Variants in CNTNAP5 observed in about 807,000 individuals in gnomAD.
CNTNAP5 encodes the protein contactin associated protein family member 5, also known as contactin-associated protein-like 5.
A neutral mutation model predicts 150.2 loss-of-function variants in CNTNAP5; 72 were observed. The observed-to-expected ratio is 0.48, with a 90% CI of 0.40 to 0.58. The LOEUF is 0.58. Among genes scored for constraint, CNTNAP5 ranks in the 20% least tolerant of loss-of-function variants. The pLI is 0.00. For synonymous variants in CNTNAP5, 672 were observed against 619.8 expected (o/e 1.08, Z -1.25); for missense variants, 1,636 against 1,626.2 (o/e 1.01, Z -0.10).
At chr2:124,872,188 T>C (rs1441279901) in intron 21 of CNTNAP5, among the ~76,000 whole-genome samples, 1 of 152,116 alleles carries the variant, frequency 6.6e-6, no homozygotes, top group Non-Finnish European at 1.5e-5. Flanking sequence ...GAAGCATGGC[T>C]ATTAATAAAG....
chr2:124,842,164 A>T (rs996259571), intron 19 of CNTNAP5, among the ~76,000 whole-genome samples: 8 of 152,222 alleles, frequency 5.3e-5, no homozygotes, highest in Middle Eastern at 6.8e-3. Flanking sequence ...AAGCCCTGTA[A>T]ATTATATATA....
intron 13 of CNTNAP5, among the ~76,000 whole-genome samples, chr2:124,738,710 G>A (rs952540485): frequency 8.8e-5 from 13 of 147,370 alleles, no homozygotes; most frequent in African/African-American, 3.2e-4. Context: ...TAGCCTGGGA[G>A]ACAGAGTGAG....
chr2:124,615,667 G>A (rs980491889), intron 12 of CNTNAP5, among the ~76,000 whole-genome samples: 1 of 152,110 alleles, frequency 6.6e-6, no homozygotes, highest in African/African-American at 2.4e-5. Flanking sequence ...AATCATGAAT[G>A]TTCTTAATGA....
chr2:124,557,736 G>A (rs6541959), intron 10 of CNTNAP5, among the ~76,000 whole-genome samples: 63,352 of 151,908 alleles, frequency 0.42, 13,572 homozygotes, highest in East Asian at 0.62. Flanking sequence ...CAATGAGGAA[G>A]GTTTGCACAT....
chr2:124,409,028 G>C (rs1288257559), intron 3 of CNTNAP5, among the ~76,000 whole-genome samples: 42 of 138,678 alleles, frequency 3.0e-4, no homozygotes, highest in African/African-American at 1.0e-3. Flanking sequence ...AACCAATACA[G>C]AGAAGTGCTT....
At chr2:124,761,885 A>G (rs1680962337) in intron 14 of CNTNAP5, among the ~76,000 whole-genome samples, 1 of 152,158 alleles carries the variant, frequency 6.6e-6, no homozygotes, top group African/African-American at 2.4e-5. Context: ...ACACAAAAAC[A>G]TCAAACTTTT....
chr2:124,690,075 G>A (rs1200036561), intron 13 of CNTNAP5, among the ~76,000 whole-genome samples: 1 of 151,832 alleles, frequency 6.6e-6, no homozygotes, highest in African/African-American at 2.4e-5. Flanking sequence ...GAAGAAACAA[G>A]GGATGCTTTA....
At chr2:124,568,534 C>A (rs957088376) in intron 11 of CNTNAP5, among the ~76,000 whole-genome samples, 3 of 152,178 alleles carry the variant, frequency 2.0e-5, no homozygotes, top group Non-Finnish European at 2.9e-5. Context: ...ATAACCAGAG[C>A]TTTTCACATG....
intron 3 of CNTNAP5, among the ~76,000 whole-genome samples, chr2:124,391,269 A>G (rs1187067506): frequency 1.3e-5 from 2 of 152,210 alleles, no homozygotes; most frequent in Non-Finnish European, 2.9e-5. Flanking sequence ...AGGATATTTT[A>G]GATCTTTGAG....
chr2:124,047,427 T>A (rs1467762906), intron 1 of CNTNAP5, among the ~76,000 whole-genome samples: 1 of 152,242 alleles, frequency 6.6e-6, no homozygotes, highest in African/African-American at 2.4e-5. Context: ...CTTGGACGGA[T>A]CTGGCCAAAG....
intron 19 of CNTNAP5, among the ~76,000 whole-genome samples, chr2:124,820,371 T>C (rs1438541539): frequency 6.6e-6 from 1 of 151,926 alleles, no homozygotes; most frequent in Non-Finnish European, 1.5e-5. Context: ...CATAATGATA[T>C]CTAAACCACA....
At chr2:124,376,987 C>G (rs1690664523) in intron 3 of CNTNAP5, among the ~76,000 whole-genome samples, 1 of 152,034 alleles carries the variant, frequency 6.6e-6, no homozygotes, top group South Asian at 2.1e-4. Context: ...GGATGTGAGC[C>G]TGTGTCTTGT....
chr2:124,291,463 C>T (rs1688291309), intron 3 of CNTNAP5, among the ~76,000 whole-genome samples: 1 of 146,282 alleles, frequency 6.8e-6, no homozygotes, highest in Non-Finnish European at 1.5e-5. Context: ...TATTTAGAAA[C>T]TATAGATAGT....
chr2:124,383,123 C>T (rs1321858497), intron 3 of CNTNAP5, among the ~76,000 whole-genome samples: 4 of 152,226 alleles, frequency 2.6e-5, no homozygotes, highest in South Asian at 4.1e-4. Flanking sequence ...CACAATGACC[C>T]GTACATTTCC....
At chr2:124,390,742 A>T (rs1207907706) in intron 3 of CNTNAP5, among the ~76,000 whole-genome samples, 1 of 152,190 alleles carries the variant, frequency 6.6e-6, no homozygotes, top group Non-Finnish European at 1.5e-5. Flanking sequence ...AAACCCTTAT[A>T]CAAAAACACT....
chr2:124,439,325 G>T (rs1357618040), intron 5 of CNTNAP5, among the ~76,000 whole-genome samples: 2 of 152,122 alleles, frequency 1.3e-5, no homozygotes, highest in African/African-American at 2.4e-5. Context: ...TGCACTGGGG[G>T]TTAAAAGTTG....
At chr2:124,073,877 A>T (rs1356884474) in intron 1 of CNTNAP5, among the ~76,000 whole-genome samples, 1 of 152,180 alleles carries the variant, frequency 6.6e-6, no homozygotes, top group South Asian at 2.1e-4. Flanking sequence ...TTGAATAGGT[A>T]TCTGCATTTC....
intron 17 of CNTNAP5, among the ~76,000 whole-genome samples, chr2:124,786,396 A>AAGG (rs1408782003): frequency 7.2e-5 from 6 of 83,276 alleles, no homozygotes; most frequent in African/African-American, 3.2e-4. Flanking sequence ...AGAAAGAAAG[A>AAGG]AAGAAGGAAG....
intron 11 of CNTNAP5, among the ~76,000 whole-genome samples, chr2:124,564,311 CAAAT>C (rs923011304): frequency 4.6e-5 from 7 of 152,168 alleles, no homozygotes; most frequent in Admixed American, 1.3e-4. Flanking sequence ...GGATAGAAAA[CAAAT>C]AAAGAATATG....
Sources: allele counts gnomAD v4.1 joint callset (sites outside exome capture counted in the v4.1 genomes callset), GRCh38; gene constraint gnomAD v4.1.1; transcripts MANE v1.5; gene names NCBI Gene and HGNC (gene_info 2026-07-23, HGNC 2026-07-21).